Variants in MANBA observed in about 807,000 individuals in gnomAD.
MANBA encodes the protein beta-mannosidase.
Under a neutral mutation model 111.1 loss-of-function variants are expected in MANBA, and 83 were observed. The observed-to-expected ratio is 0.75, with a 90% confidence interval of 0.63 to 0.90. MANBA has a LOEUF of 0.90. MANBA is among the 40% of genes least tolerant of loss of function. The probability of loss-of-function intolerance (pLI) is 0.00; values close to 1 mark genes in which losing one functional copy is unlikely to be tolerated. For missense variants in MANBA, 1,036 were observed against 1,069.0 expected (o/e 0.97, Z 0.43); for synonymous variants, 370 against 378.7 (o/e 0.98, Z 0.27).
chr4:102,728,528 G>T, intron 1 of MANBA: 1 of 374,598 alleles, frequency 2.7e-6, no homozygotes, highest in South Asian at 2.2e-5. Flanking sequence ...GCTGTTGGCA[G>T]AGCTAGCAGA....
At chr4:102,650,089 C>A (rs1443692776) in intron 13 of MANBA, among the ~76,000 whole-genome samples, 1 of 152,060 alleles carries the variant, frequency 6.6e-6, no homozygotes, top group Non-Finnish European at 1.5e-5. Context: ...TTTCTTTTCC[C>A]ATAAAGGTAT....
intron 9 of MANBA, among the ~76,000 whole-genome samples, chr4:102,670,271 T>G (rs988753135): frequency 6.6e-6 from 1 of 152,146 alleles, no homozygotes; most frequent in African/African-American, 2.4e-5. Flanking sequence ...CCTCTTCATG[T>G]GTCAGTTTCC....
At chr4:102,748,384 A>C (rs1723662312) in intron 1 of MANBA, among the ~76,000 whole-genome samples, 1 of 152,198 alleles carries the variant, frequency 6.6e-6, no homozygotes, top group South Asian at 2.1e-4. Flanking sequence ...CTGATCTGAA[A>C]TGATGTCTAA....
intron 4 of MANBA, among the ~76,000 whole-genome samples, chr4:102,715,044 C>A (rs1441444459): frequency 6.6e-6 from 1 of 152,174 alleles, no homozygotes; most frequent in Non-Finnish European, 1.5e-5. Context: ...TGTGTGCCCC[C>A]CAACCACCAT....
intron 1 of MANBA, among the ~76,000 whole-genome samples, chr4:102,738,362 A>G (rs1420209483): frequency 2.0e-5 from 3 of 152,100 alleles, no homozygotes; most frequent in Non-Finnish European, 4.4e-5. Context: ...CTCCCCTGCC[A>G]CCTCCACTGG....
chr4:102,708,866 AAT>A (rs1174508984), intron 5 of MANBA, among the ~76,000 whole-genome samples: 5 of 151,738 alleles, frequency 3.3e-5, no homozygotes, highest in South Asian at 4.1e-4. Flanking sequence ...TTATATACAA[AAT>A]ATATATATGA....
At chr4:102,729,432 G>C (rs1167350160) in intron 1 of MANBA, 7 of 1,244,828 alleles carry the variant, frequency 5.6e-6, no homozygotes, top group Non-Finnish European at 8.1e-6. Context: ...TGTTGTCCAT[G>C]GGCAGCACCA....
chr4:102,667,197 ATG>A (rs1006676834), intron 10 of MANBA: 1 of 152,226 alleles, frequency 6.6e-6, no homozygotes, highest in African/African-American at 2.4e-5. Context: ...ATGACTTAAA[ATG>A]TGTCAGTGGA....
intron 8 of MANBA, among the ~76,000 whole-genome samples, chr4:102,673,368 G>A (rs527500219): frequency 2.6e-5 from 4 of 151,930 alleles, no homozygotes; most frequent in South Asian, 2.1e-4. Context: ...TTAGCTGGGC[G>A]GTAGTGGCCT....
intron 11 of MANBA, among the ~76,000 whole-genome samples, chr4:102,662,225 T>C (rs955414815): frequency 6.6e-6 from 1 of 152,130 alleles, no homozygotes; most frequent in Non-Finnish European, 1.5e-5. Context: ...ATGATGATGA[T>C]GACGATGGCT....
At chr4:102,755,592 A>G (rs1723979455) in intron 1 of MANBA, among the ~76,000 whole-genome samples, 1 of 152,238 alleles carries the variant, frequency 6.6e-6, no homozygotes, top group Admixed American at 6.5e-5. Flanking sequence ...CACCAAAAGC[A>G]ATGGCAACAA....
chr4:102,677,721 C>T (rs1465576520), intron 7 of MANBA, among the ~76,000 whole-genome samples: 2 of 152,136 alleles, frequency 1.3e-5, no homozygotes, highest in African/African-American at 4.8e-5. Flanking sequence ...CAACATATTG[C>T]AAATTGACTG....
chr4:102,738,327 G>A (rs1723289910), intron 1 of MANBA, among the ~76,000 whole-genome samples: 1 of 152,210 alleles, frequency 6.6e-6, no homozygotes, highest in Non-Finnish European at 1.5e-5. Context: ...ACTAAATGAA[G>A]CTACAACCAA....
intron 9 of MANBA, among the ~76,000 whole-genome samples, chr4:102,670,564 C>A (rs935444625): frequency 6.6e-6 from 1 of 152,080 alleles, no homozygotes; most frequent in Non-Finnish European, 1.5e-5. Flanking sequence ...AATATTAGGG[C>A]CAGGTACAGT....
At chr4:102,718,380 G>T (rs982147456) in intron 4 of MANBA, among the ~76,000 whole-genome samples, 7 of 152,208 alleles carry the variant, frequency 4.6e-5, no homozygotes, top group Non-Finnish European at 8.8e-5. Context: ...ATGGCAAATA[G>T]ATTTGTTATG....
chr4:102,679,107 T>C (rs1731850711), intron 7 of MANBA, among the ~76,000 whole-genome samples: 1 of 152,210 alleles, frequency 6.6e-6, no homozygotes, highest in South Asian at 2.1e-4. Context: ...TGTAAAAGTA[T>C]TGAGAAAACA....
At chr4:102,748,040 CAGGGAGTG>C (rs1578958699) in intron 1 of MANBA, among the ~76,000 whole-genome samples, 3 of 152,302 alleles carry the variant, frequency 2.0e-5, no homozygotes, top group East Asian at 3.9e-4. Flanking sequence ...CACACTTGCT[CAGGGAGTG>C]AGGCTGGGCA....
intron 1 of MANBA, chr4:102,727,444 TG>T: frequency 2.2e-6 from 3 of 1,351,600 alleles, no homozygotes; most frequent in Non-Finnish European, 3.2e-6. Context: ...CAATTGCACA[TG>T]GGTCTCAGAG....
chr4:102,757,795 C>T (rs1185476022), intron 1 of MANBA, among the ~76,000 whole-genome samples: 1 of 152,198 alleles, frequency 6.6e-6, no homozygotes, highest in Non-Finnish European at 1.5e-5. Flanking sequence ...AAGCTCAAAG[C>T]CTCCAATAAC....
Sources: gnomAD v4.1 joint callset for allele counts (sites outside exome capture counted in the v4.1 genomes callset) on GRCh38, gnomAD v4.1.1 for gene constraint, MANE v1.5 for transcripts, NCBI Gene and HGNC (gene_info 2026-07-23, HGNC 2026-07-21) for gene names.